The following ECT2L variants were observed in gnomAD, a reference collection of about 807,000 sequenced individuals.
ECT2L encodes epithelial cell transforming 2 like, also known as epithelial cell-transforming sequence 2 oncogene-like.
In ECT2L, 126 loss-of-function variants were observed where a neutral mutation model predicts 122.8. The ratio of observed to expected loss-of-function variants is 1.03; its 90% CI spans 0.89 to 1.19. The LOEUF (loss-of-function observed/expected upper bound fraction) is 1.19. ECT2L is among the 50% of genes most tolerant of loss of function. The probability of loss-of-function intolerance (pLI) is 0.00; values close to 1 mark genes in which losing one functional copy is unlikely to be tolerated. For synonymous variants in ECT2L, 385 were observed against 381.8 expected (o/e 1.01, Z -0.10); for missense variants, 1,012 against 1,064.1 (o/e 0.95, Z 0.68).
At position 138,860,839 on chromosome 6, in the gene ECT2L, C is replaced by T. The variant is rs1018354011; in HGVS notation, c.1199-1788C>T. Among the ~76,000 whole-genome samples, 8 of 151,936 alleles carry T rather than the reference C, an allele frequency of 5.3e-5. No homozygotes were observed. In the South Asian group the frequency reaches 6.2e-4, roughly 12 times the overall value. On this transcript the variant is annotated intron_variant, in intron 10 of 21. Transcript: ENST00000541398. ...CCCGTCGTCTAGGTTTTAAGCCCTG[C>T]ACGCATTAGGTATTTGTCCTAATGC...
intron 4 of ECT2L, among the ~76,000 whole-genome samples, chr6:138,815,356 T>C (rs1168561761): frequency 6.6e-6 from 1 of 152,202 alleles, no homozygotes; most frequent in Admixed American, 6.5e-5. Flanking sequence ...TTCTCTTTCG[T>C]GAAATTCAAG....
At chr6:138,834,122 T>C (rs1776744333) in intron 4 of ECT2L, among the ~76,000 whole-genome samples, 1 of 152,236 alleles carries the variant, frequency 6.6e-6, no homozygotes. Context: ...AAGTACACAT[T>C]GTACATTCAG....
intron 8 of ECT2L, among the ~76,000 whole-genome samples, chr6:138,847,831 T>C (rs1269464636): frequency 6.6e-6 from 1 of 152,148 alleles, no homozygotes; most frequent in African/African-American, 2.4e-5. Context: ...TGTCTGAACA[T>C]TTGTGAGCGT....
rs552594959 is a variant in ECT2L at position 138,890,492 on chromosome 6, C to CTTTTT, written c.2414+1485_2414+1489dup. ...TCATGACATTTTTGTTTTCTTTGAT[C>CTTTTT]TTTTTTTTTTTTTTTTTTTTTTTTT... On this transcript the variant is annotated intron_variant, in intron 20 of 21. Coordinates refer to ENST00000541398, the MANE Select transcript of ECT2L (RefSeq NM_001077706.3). Among the ~76,000 whole-genome samples the CTTTTT allele has an allele frequency of 4.1e-3, 322 of 78,954 alleles. 34 individuals are homozygous for CTTTTT. Among genetic ancestry groups the CTTTTT allele is most frequent in the African/African-American group, 0.013 (228 of 18,006 alleles). The allele number at this position is 78,954 out of a possible 152,430, so 51.8% of individuals were successfully genotyped here.
intron 1 of ECT2L, among the ~76,000 whole-genome samples, chr6:138,812,072 G>C (rs887921252): frequency 6.6e-6 from 1 of 152,144 alleles, no homozygotes; most frequent in African/African-American, 2.4e-5. Context: ...AGGAGAAGCA[G>C]AAAGAAGAAG....
At chr6:138,868,890 G>T (rs1293783861) in intron 13 of ECT2L, among the ~76,000 whole-genome samples, 1 of 152,218 alleles carries the variant, frequency 6.6e-6, no homozygotes, top group Non-Finnish European at 1.5e-5. Context: ...AATGTGGCCA[G>T]GCGTGGTGGC....
At chr6:138,797,434 G>A (rs1238618134) in intron 1 of ECT2L, among the ~76,000 whole-genome samples, 1 of 152,140 alleles carries the variant, frequency 6.6e-6, no homozygotes, top group Non-Finnish European at 1.5e-5. Context: ...GAGGAGCAGT[G>A]TTTTAATTTC....
chr6:138,800,141 G>A (rs1775491685), intron 1 of ECT2L, among the ~76,000 whole-genome samples: 1 of 152,070 alleles, frequency 6.6e-6, no homozygotes, highest in African/African-American at 2.4e-5. Context: ...AAGCATTTAG[G>A]CCCCTGCTTT....
chr6:138,822,132 C>T (rs1418792476), intron 4 of ECT2L, among the ~76,000 whole-genome samples: 6 of 152,202 alleles, frequency 3.9e-5, no homozygotes, highest in Admixed American at 3.3e-4. Context: ...TATTTTTCAA[C>T]GTTTATTCTT....
At chr6:138,868,420 T>C (rs1438788279) in intron 13 of ECT2L, among the ~76,000 whole-genome samples, 11 of 152,074 alleles carry the variant, frequency 7.2e-5, no homozygotes, top group Non-Finnish European at 4.4e-5. Flanking sequence ...TTCTAGGTTA[T>C]TTAAAGTTTA....
Position 138,901,520 on chromosome 6 carries a change from T to C in ECT2L, c.2587+400T>C, listed in dbSNP as rs538965344. ...CCATTCTACTAGGACTAAGTGATTATTACATATTTGACACTACCTTTCCTT... is the reference window on the plus strand; with the variant it reads ...CCATTCTACTAGGACTAAGTGATTACTACATATTTGACACTACCTTTCCTT... On this transcript the variant is annotated intron_variant, in intron 21 of 21. Transcript: ENST00000541398. 2.0e-5 allele frequency among the ~76,000 whole-genome samples: 3 copies of C among 152,352 alleles called. No homozygotes were observed. The East Asian group carries it at 5.8e-4, about 29-fold the overall frequency.
intron 13 of ECT2L, among the ~76,000 whole-genome samples, chr6:138,869,065 G>T (rs1778152047): frequency 6.6e-6 from 1 of 152,212 alleles, no homozygotes; most frequent in Admixed American, 6.5e-5. Flanking sequence ...TGCTCAGGGG[G>T]CTGAGGCCAG....
chr6:138,877,943 G>A (rs1191843833), intron 14 of ECT2L, among the ~76,000 whole-genome samples: 1 of 151,950 alleles, frequency 6.6e-6, no homozygotes, highest in Non-Finnish European at 1.5e-5. Context: ...AAAAAGAAGA[G>A]TGTGTTTATA....
chr6:138,822,370 A>G (rs1213684994), intron 4 of ECT2L, among the ~76,000 whole-genome samples: 1 of 152,182 alleles, frequency 6.6e-6, no homozygotes, highest in African/African-American at 2.4e-5. Context: ...CCTGGGCAAC[A>G]TGGTGAAACC....
intron 4 of ECT2L, among the ~76,000 whole-genome samples, chr6:138,820,209 TCC>T (rs1423893151): frequency 6.6e-6 from 1 of 152,176 alleles, no homozygotes; most frequent in Non-Finnish European, 1.5e-5. Flanking sequence ...GATCACTGCC[TCC>T]CCTGGATGGT....
chr6:138,885,790 C>A lies in ECT2L; in HGVS notation c.2219C>A (p.Ala740Glu). Residue 740 changes from alanine to glutamate, a missense_variant, in exon 18 of 22, where the codon GCA becomes GAA. By Grantham distance (107) the Ala-to-Glu change is moderately radical. Transcript: ENST00000541398. ...GTTGACCGTGGGGACTTGACCACTG[C>A]AATTGACCAAATCAAAAAATATAAA... ...EHVDRGDLTTAIDQIKKYKGY... is the reference protein window; with the variant it reads ...EHVDRGDLTTEIDQIKKYKGY... The A allele has an allele frequency of 6.2e-7, 1 of 1,614,112 alleles. No homozygotes were observed. Among genetic ancestry groups the A allele is most frequent in the Non-Finnish European group, 8.5e-7 (1 of 1,179,994 alleles).
chr6:138,849,469 A>G (rs772772714), intron 9 of ECT2L, 35 bp downstream of exon 9: 2 of 1,577,548 alleles, frequency 1.3e-6, no homozygotes, highest in Admixed American at 3.6e-5. Flanking sequence ...ACAACCATGG[A>G]ACTTCGCGCT....
intron 20 of ECT2L, among the ~76,000 whole-genome samples, chr6:138,898,448 C>T (rs932600007): frequency 6.6e-6 from 1 of 152,168 alleles, no homozygotes; most frequent in Non-Finnish European, 1.5e-5. Context: ...AGTAGCTGAA[C>T]CTGAAACATG....
intron 14 of ECT2L, among the ~76,000 whole-genome samples, chr6:138,879,559 G>A (rs1582650504): frequency 6.6e-6 from 1 of 152,200 alleles, no homozygotes; most frequent in African/African-American, 2.4e-5. Context: ...TCTAGTACCA[G>A]CAATAAAAAT....
Sources: allele counts gnomAD v4.1 joint callset (sites outside exome capture counted in the v4.1 genomes callset), GRCh38; gene constraint gnomAD v4.1.1; transcripts MANE v1.5; gene names NCBI Gene and HGNC (gene_info 2026-07-23, HGNC 2026-07-21).